Variants in GPT2 observed in about 807,000 individuals in gnomAD.
GPT2 encodes alanine aminotransferase 2.
In GPT2, 30 loss-of-function variants were observed where a neutral mutation model predicts 56.9. The ratio of observed to expected loss-of-function variants is 0.53; its 90% CI spans 0.39 to 0.72. GPT2 has a LOEUF of 0.72. Ranked by LOEUF, GPT2 falls within the 30% of genes least tolerant of loss-of-function variation. The probability of loss-of-function intolerance (pLI) is 0.00; values close to 1 mark genes in which losing one functional copy is unlikely to be tolerated. For synonymous variants in GPT2, 271 were observed against 283.1 expected, an observed-to-expected ratio of 0.96 and a Z score of 0.43; for missense variants, 542 against 703.4, an observed-to-expected ratio of 0.77 and a Z score of 2.60.
intron 2 of GPT2, among the ~76,000 whole-genome samples, chr16:46,891,295 T>C (rs1426267265): frequency 6.6e-6 from 1 of 152,132 alleles, no homozygotes; most frequent in Non-Finnish European, 1.5e-5. Flanking sequence ...CAGGCTAGAG[T>C]GCAATGGTGC....
At chr16:46,901,595 C>A (rs1023128268) in intron 4 of GPT2, among the ~76,000 whole-genome samples, 4 of 152,244 alleles carry the variant, frequency 2.6e-5, no homozygotes, top group African/African-American at 9.6e-5. Context: ...TTCTTAGAGT[C>A]TTCCTAGGAT....
chr16:46,924,260 G>T (rs1961355438), intron 9 of GPT2, 129 bp from the exon 10 acceptor site: 1 of 974,318 alleles, frequency 1.0e-6, no homozygotes. Flanking sequence ...GGGTCAGAGG[G>T]GACATGTGTT....
chr16:46,929,036 T>G lies in GPT2; in HGVS notation c.*39T>G. Reference sequence around the variant, plus strand: ...CCAGCGGGAGACCTGTCCTTGGCTCTTCCTCCCAATGCCCGTCAGGCTGAA... The same window carrying G: ...CCAGCGGGAGACCTGTCCTTGGCTCGTCCTCCCAATGCCCGTCAGGCTGAA... On this transcript the variant is annotated 3_prime_UTR_variant, in exon 12 of 12. Coordinates refer to ENST00000340124, the MANE Select transcript of GPT2 (RefSeq NM_133443.4). The G allele has an allele frequency of 2.7e-6, 4 of 1,503,826 alleles. No homozygotes were observed. Among genetic ancestry groups the G allele is most frequent in the Non-Finnish European group, 3.7e-6 (4 of 1,079,828 alleles). The allele number at this position is 1,503,826 out of a possible 1,614,324, so 93.2% of individuals were successfully genotyped here.
At chr16:46,928,861 C>T in intron 11 of GPT2, 46 bp from the exon 12 acceptor site, 2 of 1,442,058 alleles carry the variant, frequency 1.4e-6, no homozygotes, top group Non-Finnish European at 9.8e-7. Flanking sequence ...CGTTCCTCTC[C>T]CATCTTGCAG....
chr16:46,897,854 T>C (rs901670851), intron 3 of GPT2, 117 bp downstream of exon 3: 1 of 810,780 alleles, frequency 1.2e-6, no homozygotes, highest in Non-Finnish European at 2.0e-6. Context: ...TGATACCCTC[T>C]GGCTGTCTCC....
At chr16:46,911,762 T>C (rs1471489680) in intron 6 of GPT2, among the ~76,000 whole-genome samples, 2 of 152,162 alleles carry the variant, frequency 1.3e-5, no homozygotes, top group African/African-American at 4.8e-5. Context: ...CAGGTGATAC[T>C]GATGCCGGGC....
intron 10 of GPT2, among the ~76,000 whole-genome samples, chr16:46,925,227 G>T (rs1241149338): frequency 9.5e-5 from 14 of 148,008 alleles, no homozygotes; most frequent in South Asian, 6.4e-4. Context: ...TTTGTTTTTT[G>T]TTTTTTTTTT....
At chr16:46,886,863 C>A (rs1462408592) in intron 2 of GPT2, among the ~76,000 whole-genome samples, 1 of 152,162 alleles carries the variant, frequency 6.6e-6, no homozygotes, top group Non-Finnish European at 1.5e-5. Context: ...ACCCCCATAT[C>A]CTACTCCTGA....
intron 2 of GPT2, chr16:46,885,456 T>C: frequency 1.0e-6 from 1 of 983,994 alleles, no homozygotes; most frequent in Non-Finnish European, 1.2e-6. Context: ...CTCCGTGTCT[T>C]TGGCCTTTAG....
intron 8 of GPT2, among the ~76,000 whole-genome samples, chr16:46,919,943 ACGCCTGTGAT>A (rs1379664202): frequency 6.6e-6 from 1 of 152,158 alleles, no homozygotes; most frequent in African/African-American, 2.4e-5. Flanking sequence ...GCAGTGGCTC[ACGCCTGTGAT>A]CCAAGAACTT....
chr16:46,899,307 G>A (rs769512045), intron 3 of GPT2, among the ~76,000 whole-genome samples: 1 of 152,070 alleles, frequency 6.6e-6, no homozygotes, highest in Non-Finnish European at 1.5e-5. Flanking sequence ...AGCCACACTG[G>A]GATTGAGGCC....
intron 10 of GPT2, among the ~76,000 whole-genome samples, chr16:46,926,540 A>C (rs989522064): frequency 1.3e-5 from 2 of 152,166 alleles, no homozygotes; most frequent in Non-Finnish European, 2.9e-5. Flanking sequence ...TGTGGGAAGC[A>C]GTGTTGAGAG....
intron 2 of GPT2, among the ~76,000 whole-genome samples, chr16:46,895,328 C>G (rs1960665505): frequency 6.6e-6 from 1 of 152,004 alleles, no homozygotes; most frequent in African/African-American, 2.4e-5. Context: ...AGTTCAAGAC[C>G]AGCTTGGGAA....
At chr16:46,928,841 C>A in intron 11 of GPT2, 66 bp from the exon 12 acceptor site, 1 of 1,217,346 alleles carries the variant, frequency 8.2e-7, no homozygotes, top group Non-Finnish European at 1.2e-6. Flanking sequence ...GGCAGTTTAG[C>A]TGCTGGATTC....
chr16:46,901,201 A>G (rs559146222), intron 4 of GPT2, among the ~76,000 whole-genome samples: 1 of 152,140 alleles, frequency 6.6e-6, no homozygotes, highest in Non-Finnish European at 1.5e-5. Context: ...ACTGTCTTGG[A>G]GATGGCAGCC....
At chr16:46,909,257 T>A (rs999456190) in intron 5 of GPT2, among the ~76,000 whole-genome samples, 5 of 151,976 alleles carry the variant, frequency 3.3e-5, no homozygotes, top group Non-Finnish European at 7.4e-5. Context: ...TTAGAAGTAT[T>A]AAAAATACAA....
intron 6 of GPT2, among the ~76,000 whole-genome samples, chr16:46,912,241 G>A (rs1010383889): frequency 3.3e-5 from 5 of 152,186 alleles, no homozygotes; most frequent in African/African-American, 1.2e-4. Context: ...TGGAACTGTG[G>A]AGTGCAGGGT....
At chr16:46,921,885 G>C (rs143022441) in intron 8 of GPT2, among the ~76,000 whole-genome samples, 3 of 152,148 alleles carry the variant, frequency 2.0e-5, no homozygotes, top group South Asian at 2.1e-4. Context: ...TTAGCCAGGC[G>C]TGGTGGCACA....
intron 6 of GPT2, among the ~76,000 whole-genome samples, chr16:46,910,653 G>A (rs991977865): frequency 1.3e-5 from 2 of 152,182 alleles, no homozygotes; most frequent in Non-Finnish European, 2.9e-5. Context: ...CCTGGCTGAA[G>A]TGCAAGTGGT....
Sources: allele counts gnomAD v4.1 joint callset (sites outside exome capture counted in the v4.1 genomes callset), GRCh38; gene constraint gnomAD v4.1.1; transcripts MANE v1.5; gene names NCBI Gene and HGNC (gene_info 2026-07-23, HGNC 2026-07-21).